The following NCKAP5 variants were observed in gnomAD, a reference collection of about 807,000 sequenced individuals.
The protein encoded by NCKAP5 is nck-associated protein 5.
NCKAP5 carries 92 observed loss-of-function variants against 167.0 expected under a neutral mutation model. The ratio of observed to expected loss-of-function variants is 0.55; its 90% confidence interval spans 0.47 to 0.66. The LOEUF (loss-of-function observed/expected upper bound fraction) is 0.66, where lower values mean the gene tolerates loss of function less well. NCKAP5 is among the 30% of genes least tolerant of loss of function. The pLI is 0.00. For synonymous variants in NCKAP5, 891 were observed against 877.4 expected (o/e 1.02, Z -0.27); for missense variants, 2,378 against 2,315.0 (o/e 1.03, Z -0.56).
intron 5 of NCKAP5, among the ~76,000 whole-genome samples, chr2:133,186,745 T>G (rs2320537): frequency 0.74 from 112,554 of 151,828 alleles, 42,753 homozygotes; most frequent in African/African-American, 0.92. Flanking sequence ...GCAGAGAGGT[T>G]TTCACAATAC....
chr2:133,251,591 C>T (rs2088337952), intron 4 of NCKAP5, among the ~76,000 whole-genome samples: 1 of 152,146 alleles, frequency 6.6e-6, no homozygotes, highest in South Asian at 2.1e-4. Context: ...ATTGACTCTA[C>T]AAGGCACTCT....
intron 6 of NCKAP5, among the ~76,000 whole-genome samples, chr2:133,008,490 G>C (rs1369213215): frequency 6.6e-6 from 1 of 152,178 alleles, no homozygotes; most frequent in Non-Finnish European, 1.5e-5. Context: ...ACATGGAAAA[G>C]CAGCCTGTAC....
intron 1 of NCKAP5, among the ~76,000 whole-genome samples, chr2:133,560,026 T>C (rs1446068186): frequency 1.3e-5 from 2 of 152,176 alleles, no homozygotes; most frequent in East Asian, 1.9e-4. Context: ...AGAGCCCCCA[T>C]TGGACAAATG....
chr2:132,756,237 A>T (rs2104823906), intron 16 of NCKAP5, among the ~76,000 whole-genome samples: 1 of 152,358 alleles, frequency 6.6e-6, no homozygotes, highest in Non-Finnish European at 1.5e-5. Context: ...TAAGCTTTGC[A>T]AATTTTCTAG....
intron 4 of NCKAP5, among the ~76,000 whole-genome samples, chr2:133,278,617 T>C (rs72656923): frequency 3.9e-5 from 6 of 152,256 alleles, no homozygotes; most frequent in Non-Finnish European, 5.9e-5. Flanking sequence ...AGCATTCTGA[T>C]ATGTATTTTT....
intron 6 of NCKAP5, among the ~76,000 whole-genome samples, chr2:133,047,580 G>A (rs542024122): frequency 2.0e-5 from 3 of 152,280 alleles, no homozygotes; most frequent in Non-Finnish European, 2.9e-5. Context: ...AACCTGAAAA[G>A]CCTCATCTGT....
the NCKAP5 span, among the ~76,000 whole-genome samples, chr2:133,614,681 C>T: frequency 2.6e-5 from 4 of 152,162 alleles, no homozygotes; most frequent in East Asian, 7.7e-4. Context: ...GATTGGTATA[C>T]CTGAAAGTGA....
chr2:132,756,090 C>T (rs183294658), intron 16 of NCKAP5, among the ~76,000 whole-genome samples: 1 of 152,076 alleles, frequency 6.6e-6, no homozygotes, highest in African/African-American at 2.4e-5. Context: ...CTGGAGGAGG[C>T]CTGTGTGACC....
intron 4 of NCKAP5, among the ~76,000 whole-genome samples, chr2:133,294,068 T>C (rs1209082152): frequency 6.6e-6 from 1 of 152,188 alleles, no homozygotes; most frequent in Non-Finnish European, 1.5e-5. Context: ...TTTCAGAGCT[T>C]TTATTGCTAT....
chr2:133,051,142 G>C (rs376014190), intron 6 of NCKAP5, among the ~76,000 whole-genome samples: 2 of 152,132 alleles, frequency 1.3e-5, no homozygotes, highest in South Asian at 2.1e-4. Flanking sequence ...CTGACTTGAG[G>C]CTTGGAGTAG....
At chr2:132,761,186 A>G (rs917704616) in intron 16 of NCKAP5, among the ~76,000 whole-genome samples, 1 of 152,162 alleles carries the variant, frequency 6.6e-6, no homozygotes, top group Non-Finnish European at 1.5e-5. Context: ...GGGGCTTGTG[A>G]GTCTTTGATC....
intron 19 of NCKAP5, among the ~76,000 whole-genome samples, chr2:132,696,471 T>A (rs1044591679): frequency 1.3e-5 from 2 of 152,204 alleles, no homozygotes; most frequent in Non-Finnish European, 2.9e-5. Context: ...AGGAGCTGCA[T>A]CTCCTGTAAA....
intron 11 of NCKAP5, among the ~76,000 whole-genome samples, chr2:132,844,478 G>A (rs984199188): frequency 1.3e-5 from 2 of 151,908 alleles, no homozygotes; most frequent in Non-Finnish European, 2.9e-5. Flanking sequence ...ACGTATACAG[G>A]TATATTTATA....
At chr2:133,425,631 G>A (rs999695191) in intron 3 of NCKAP5, among the ~76,000 whole-genome samples, 6 of 152,158 alleles carry the variant, frequency 3.9e-5, no homozygotes, top group Non-Finnish European at 8.8e-5. Context: ...ATAGAGAACT[G>A]CAATAGTATG....
At chr2:133,071,433 A>C (rs1559110592) in intron 6 of NCKAP5, among the ~76,000 whole-genome samples, 1 of 152,192 alleles carries the variant, frequency 6.6e-6, no homozygotes, top group African/African-American at 2.4e-5. Context: ...CGACAGAGCG[A>C]GACTCCGTCT....
At chr2:132,761,997 T>C (rs1353463608) in intron 16 of NCKAP5, among the ~76,000 whole-genome samples, 1 of 152,188 alleles carries the variant, frequency 6.6e-6, no homozygotes. Flanking sequence ...CTGGTCATCA[T>C]TTAGAATTCT....
chr2:132,908,214 C>A (rs1324154323), intron 8 of NCKAP5, among the ~76,000 whole-genome samples: 1 of 151,964 alleles, frequency 6.6e-6, no homozygotes, highest in Non-Finnish European at 1.5e-5. Context: ...ATTTACACAT[C>A]TAAATTACAT....
chr2:133,036,737 C>G (rs913118796), intron 6 of NCKAP5, among the ~76,000 whole-genome samples: 1 of 151,930 alleles, frequency 6.6e-6, no homozygotes, highest in East Asian at 1.9e-4. Context: ...AAACTAAAAG[C>G]CTTTCCTTTA....
intron 6 of NCKAP5, chr2:133,117,421 A>T (rs994102873): frequency 6.6e-5 from 10 of 152,188 alleles, no homozygotes; most frequent in African/African-American, 2.4e-4. Context: ...CTGTCAGTGT[A>T]ATCTCCAAGG....
Sources: allele counts gnomAD v4.1 joint callset (sites outside exome capture counted in the v4.1 genomes callset), GRCh38; gene constraint gnomAD v4.1.1; transcripts MANE v1.5; gene names NCBI Gene and HGNC (gene_info 2026-07-23, HGNC 2026-07-21).